Variants in FAM171A1 observed in about 807,000 individuals in gnomAD.
FAM171A1 encodes protein FAM171A1.
A neutral mutation model predicts 74.9 loss-of-function variants in FAM171A1; 23 were observed. That is an observed-to-expected ratio of 0.31 (90% CI 0.22 to 0.44). The LOEUF is 0.44. Among genes scored for constraint, FAM171A1 ranks in the 20% least tolerant of loss-of-function variants. The pLI, the probability that FAM171A1 is intolerant of heterozygous loss-of-function variation, is 1.00. For missense variants in FAM171A1, 1,162 were observed against 1,159.2 expected (o/e 1.00, Z -0.03); for synonymous variants, 527 against 505.7 (o/e 1.04, Z -0.57).
At chr10:15,352,407 G>A (rs1380250449) in intron 1 of FAM171A1, among the ~76,000 whole-genome samples, 3 of 152,246 alleles carry the variant, frequency 2.0e-5, no homozygotes, top group African/African-American at 2.4e-5. Context: ...TTAATAAAAC[G>A]TTGTCTAATG....
At chr10:15,345,351 T>C (rs1232408179) in intron 1 of FAM171A1, among the ~76,000 whole-genome samples, 1 of 152,194 alleles carries the variant, frequency 6.6e-6, no homozygotes, top group Non-Finnish European at 1.5e-5. Context: ...TGGATCACTG[T>C]GCCGTTCCAT....
chr10:15,274,842 G>A (rs765610246), intron 3 of FAM171A1, among the ~76,000 whole-genome samples: 61 of 152,256 alleles, frequency 4.0e-4, no homozygotes, highest in Middle Eastern at 6.8e-3. Flanking sequence ...GCAAAGACTT[G>A]GAACCAACCC....
intron 5 of FAM171A1, among the ~76,000 whole-genome samples, chr10:15,246,486 T>C (rs1265884622): frequency 6.6e-6 from 1 of 152,210 alleles, no homozygotes; most frequent in Non-Finnish European, 1.5e-5. Context: ...TCATGCATGG[T>C]CTAACAGTTT....
In FAM171A1 at chr10:15,233,149, G is replaced by C. The variant is rs184618147; in HGVS notation, c.755-12089C>G. On this transcript the variant is annotated intron_variant, in intron 5 of 7. Transcript: ENST00000378116. ...TTCTACTAAAAAATACAAAAAATTA[G>C]CTTGGCGTGGTGGCCGGTGCCTGTA... Among the ~76,000 whole-genome samples the C allele has an allele frequency of 2.6e-3, 391 of 152,118 alleles. 3 individuals carry two copies. Among genetic ancestry groups the C allele is most frequent in the African/African-American group, 9.1e-3 (376 of 41,488 alleles).
intron 5 of FAM171A1, among the ~76,000 whole-genome samples, chr10:15,242,324 A>C (rs1421142781): frequency 6.6e-6 from 1 of 152,218 alleles, no homozygotes. Context: ...TAAGTGAAAA[A>C]ACATATGGTT....
chr10:15,267,709 G>T (rs775429656), intron 3 of FAM171A1, among the ~76,000 whole-genome samples: 1 of 151,856 alleles, frequency 6.6e-6, no homozygotes, highest in African/African-American at 2.4e-5. Flanking sequence ...CAGGTGCTGG[G>T]TCCTGGAGGA....
Position 15,364,922 on chromosome 10 carries a change from C to G in FAM171A1, c.97+6034G>C, listed in dbSNP as rs550975403. On this transcript the variant is annotated intron_variant, in intron 1 of 7. Coordinates refer to ENST00000378116, the MANE Select transcript of FAM171A1 (RefSeq NM_001010924.2). ...TTGTGATTGATTACAATGGGCCCAG[C>G]TGGATGATAATTCAGACTAATCTTC... Among the ~76,000 whole-genome samples, 3 of 152,164 alleles carry G rather than the reference C, an allele frequency of 2.0e-5. No homozygotes were observed. In the East Asian group the frequency reaches 5.8e-4, roughly 29 times the overall value.
chr10:15,222,881 G>A (rs866459276), intron 5 of FAM171A1, among the ~76,000 whole-genome samples: 1 of 152,242 alleles, frequency 6.6e-6, no homozygotes, highest in African/African-American at 2.4e-5. Context: ...TGCACCAAAG[G>A]GTTTGGGCTC....
intron 4 of FAM171A1, among the ~76,000 whole-genome samples, chr10:15,253,691 C>T (rs949666247): frequency 6.6e-6 from 1 of 152,182 alleles, no homozygotes; most frequent in African/African-American, 2.4e-5. Flanking sequence ...CTGGGAAATG[C>T]AGTGAGTTAC....
At chr10:15,328,178 CTT>C (rs1342533537) in intron 1 of FAM171A1, among the ~76,000 whole-genome samples, 1 of 151,838 alleles carries the variant, frequency 6.6e-6, no homozygotes, top group Non-Finnish European at 1.5e-5. Flanking sequence ...GAGTTTCGCT[CTT>C]GTCGCCCAGG....
intron 5 of FAM171A1, 34 bp from the exon 6 acceptor site, chr10:15,221,094 C>T: frequency 6.5e-7 from 1 of 1,541,604 alleles, no homozygotes; most frequent in South Asian, 1.1e-5. Context: ...TAGCTACAAG[C>T]ACACCACGCT....
chr10:15,237,114 C>T (rs1329090843), intron 5 of FAM171A1, among the ~76,000 whole-genome samples: 4 of 151,994 alleles, frequency 2.6e-5, no homozygotes, highest in East Asian at 1.9e-4. Flanking sequence ...GGGGAAAGCC[C>T]GCAGGAAGAC....
At chr10:15,237,686 AC>A (rs1177729120) in intron 5 of FAM171A1, 1 of 151,874 alleles carries the variant, frequency 6.6e-6, no homozygotes, top group Non-Finnish European at 1.5e-5. Context: ...TTTTCACTGA[AC>A]TGTCATCACA....
rs145464393 is a variant in FAM171A1, at chr10:15,262,872, C to T, written c.419-7993G>A. Reference sequence around the variant, plus strand: ...GCAGAGAAGCTGCAGGAGGACACTGCCATGTCCTCTTCGGAAAGGCGGCAG... The same window carrying T: ...GCAGAGAAGCTGCAGGAGGACACTGTCATGTCCTCTTCGGAAAGGCGGCAG... On this transcript the variant is annotated intron_variant, in intron 3 of 7. Coordinates refer to ENST00000378116, the MANE Select transcript of FAM171A1 (RefSeq NM_001010924.2). Among the ~76,000 whole-genome samples, 123 of 152,280 alleles carry T rather than the reference C, an allele frequency of 8.1e-4. No homozygotes were observed. In the East Asian group the frequency reaches 0.022, roughly 28 times the overall value.
At chr10:15,288,403 T>C (rs1835063862) in intron 1 of FAM171A1, among the ~76,000 whole-genome samples, 1 of 152,150 alleles carries the variant, frequency 6.6e-6, no homozygotes, top group Non-Finnish European at 1.5e-5. Context: ...GGTGTACCCA[T>C]CACCCGAGCA....
At chr10:15,267,331 G>A (rs1245768445) in intron 3 of FAM171A1, among the ~76,000 whole-genome samples, 1 of 151,902 alleles carries the variant, frequency 6.6e-6, no homozygotes, top group Non-Finnish European at 1.5e-5. Context: ...GAGGCCAGGT[G>A]CGGTGGCTCA....
intron 1 of FAM171A1, among the ~76,000 whole-genome samples, chr10:15,359,072 C>T (rs931152192): frequency 6.6e-6 from 1 of 152,196 alleles, no homozygotes; most frequent in Non-Finnish European, 1.5e-5. Context: ...ATCTGTCAAG[C>T]TCCTTTGCAT....
rs1270905138 is a variant in FAM171A1, at chr10:15,212,825, G to A, written c.*90C>T. 13 of 1,527,448 alleles carry A rather than the reference G, an allele frequency of 8.5e-6. No homozygotes were observed. Among genetic ancestry groups the A allele is most frequent in the East Asian group, 4.5e-5 (2 of 44,530 alleles). 94.6% of individuals were successfully genotyped at this position (1,527,448 alleles called of 1,614,324 possible). A position where few individuals can be genotyped will look rare whatever the true frequency, so the allele number is the denominator to read the frequency against. On this transcript the variant is annotated 3_prime_UTR_variant, in exon 8 of 8. Coordinates refer to ENST00000378116, the MANE Select transcript of FAM171A1 (RefSeq NM_001010924.2). The stretch of plus-strand genomic sequence containing the variant: ...ACGTCCGTCCCACGGCTGGGCTGCC[G>A]TTCCGTTTCCTCCACGAACGGGTAC...
intron 1 of FAM171A1, among the ~76,000 whole-genome samples, chr10:15,337,458 C>T (rs1835714263): frequency 6.6e-6 from 1 of 152,132 alleles, no homozygotes; most frequent in African/African-American, 2.4e-5. Context: ...GCAGTAGGGG[C>T]CGGGTGCGGT....
Sources: allele counts gnomAD v4.1 joint callset (sites outside exome capture counted in the v4.1 genomes callset), GRCh38; gene constraint gnomAD v4.1.1; transcripts MANE v1.5; gene names NCBI Gene and HGNC (gene_info 2026-07-23, HGNC 2026-07-21).